The following SHISA2 variants were observed in gnomAD, a reference collection of about 807,000 sequenced individuals.
SHISA2 encodes shisa family member 2, also known as protein shisa-2 homolog.
Under a neutral mutation model 23.8 loss-of-function variants are expected in SHISA2, and 16 were observed. The ratio of observed to expected loss-of-function variants is 0.67; its 90% confidence interval spans 0.46 to 1.02. The LOEUF (loss-of-function observed/expected upper bound fraction) is 1.02. SHISA2 is among the 50% of genes least tolerant of loss of function. SHISA2 has a pLI of 0.00. For synonymous variants in SHISA2, 201 were observed against 178.6 expected (o/e 1.13, Z -1.00); for missense variants, 459 against 420.1 (o/e 1.09, Z -0.81).
rs1171476864 is a variant in SHISA2 at position 26,044,685 on chromosome 13, G to T, written c.*1828C>A. On this transcript the variant is annotated 3_prime_UTR_variant, in exon 2 of 2. Coordinates refer to ENST00000319420, the MANE Select transcript of SHISA2 (RefSeq NM_001007538.2). ...ATGAGTATCATTGATGATACCAATT[G>T]CCAACACTGGTTTTACATTATTCAG... 2 of 152,146 alleles carry T rather than the reference G, an allele frequency of 1.3e-5. No individual in the cohort carries two copies. Among genetic ancestry groups the T allele is most frequent in the African/African-American group, 2.4e-5 (1 of 41,438 alleles). 9.4% of individuals were successfully genotyped at this position (152,146 alleles called of 1,614,324 possible). A position where few individuals can be genotyped will look rare whatever the true frequency, so the allele number is the denominator to read the frequency against.
At chr13:26,050,097 G>C (rs1423197104) in intron 1 of SHISA2, among the ~76,000 whole-genome samples, 2 of 152,224 alleles carry the variant, frequency 1.3e-5, no homozygotes, top group Non-Finnish European at 2.9e-5. Flanking sequence ...GACGTGGTAA[G>C]GAAAACAGTC....
At position 26,047,210 on chromosome 13, in the gene SHISA2, A is replaced by G. The variant is rs1462752819; in HGVS notation, c.335-144T>C. 4.1e-5 allele frequency: 36 copies of G among 888,516 alleles called. 1 individual carries two copies. In the South Asian group the frequency reaches 6.5e-4, roughly 16 times the overall value. 55.0% of individuals were successfully genotyped at this position (888,516 alleles called of 1,614,324 possible). On this transcript the variant is annotated intron_variant, in intron 1 of 1. Transcript: ENST00000319420. ...CACTGGGCTAATTTGTTCACATATT[A>G]GGAGTCCATAAGATGCACCATTCTT...
chr13:26,047,097 G>C (rs1593748209), intron 1 of SHISA2, 31 bp from the exon 2 acceptor site: 1 of 1,512,390 alleles, frequency 6.6e-7, no homozygotes, highest in Non-Finnish European at 8.8e-7. Flanking sequence ...ACAACATTAT[G>C]ATCTACTCTA....
chr13:26,046,930 A>C lies in SHISA2; in HGVS notation c.471T>G (p.Gly157=), dbSNP rs772686844. The part of the protein sequence containing the change: ...QDPQQSRAPG[G]NRLMETIPMI... Reference sequence around the variant, plus strand: ...TGGGGATGGTCTCCATCAAGCGGTTACCCCCTGGGGCTCGGCTCTGCTGGG... The same window carrying C: ...TGGGGATGGTCTCCATCAAGCGGTTCCCCCCTGGGGCTCGGCTCTGCTGGG... The change falls in exon 2 of 2, where the codon GGT becomes GGG. Residue 157 remains glycine, a synonymous_variant. Coordinates refer to ENST00000319420, the MANE Select transcript of SHISA2 (RefSeq NM_001007538.2). 5.0e-6 allele frequency: 8 copies of C among 1,612,942 alleles called. No homozygotes were observed. Among genetic ancestry groups the C allele is most frequent in the Non-Finnish European group, 5.9e-6 (7 of 1,179,588 alleles).
At chr13:26,049,642 A>G (rs1193274280) in intron 1 of SHISA2, among the ~76,000 whole-genome samples, 1 of 152,192 alleles carries the variant, frequency 6.6e-6, no homozygotes, top group African/African-American at 2.4e-5. Flanking sequence ...TGACTGCGAA[A>G]GGGAACGGCA....
At position 26,047,023 on chromosome 13, in the gene SHISA2, G is replaced by T. The variant is rs778644433; in HGVS notation, c.378C>A (p.Val126=). The change falls in exon 2 of 2, where the codon GTC becomes GTA. Residue 126 remains valine (V), a synonymous_variant. Coordinates refer to ENST00000319420, the MANE Select transcript of SHISA2 (RefSeq NM_001007538.2). ...CCAGGGACCCCAAGATGATAAAGGC[G>T]ACAAACACGGAGCCAACAATGAGGA... The part of the protein sequence containing the change: ...VPFLIVGSVF[V]AFIILGSLVA... The T allele has an allele frequency of 6.4e-7, 1 of 1,569,904 alleles. No individual in the cohort carries two copies. Among genetic ancestry groups the T allele is most frequent in the Admixed American group, 1.9e-5 (1 of 52,324 alleles).
At chr13:26,047,711 G>C (rs1957277018) in intron 1 of SHISA2, among the ~76,000 whole-genome samples, 1 of 152,166 alleles carries the variant, frequency 6.6e-6, no homozygotes, top group South Asian at 2.1e-4. Context: ...CAAAAGCCAG[G>C]GTCCTTGGGT....
In SHISA2 at chr13:26,050,712, G is replaced by C; in HGVS notation, c.264C>G (p.Cys88Trp). 6.8e-7 allele frequency: 1 copy of C among 1,479,782 alleles called. No individual in the cohort carries two copies. Among genetic ancestry groups the C allele is most frequent in the Non-Finnish European group, 8.9e-7 (1 of 1,122,436 alleles). The allele number at this position is 1,479,782 out of a possible 1,614,324, so 91.7% of individuals were successfully genotyped here. The change falls in exon 1 of 2, where the codon TGC (cysteine) becomes TGG (tryptophan). Residue 88 changes from cysteine to tryptophan, a missense_variant. By Grantham distance (215) the Cys-to-Trp change is radical. Transcript: ENST00000319420. Reference sequence around the variant, plus strand: ...CAGCGCCCTGCTGGCGGTCATTGTCGCAGCCGCCCTGGTCCAGGCGCGCCT... The same window carrying C: ...CAGCGCCCTGCTGGCGGTCATTGTCCCAGCCGCCCTGGTCCAGGCGCGCCT... ...SAEARLDQGG[C>W]DNDRQQGAGE... is the part of the protein sequence containing the mutation.
In SHISA2 at chr13:26,051,716, C is replaced by T. The variant is rs954118479; in HGVS notation, c.-741G>A. Among the ~76,000 whole-genome samples the T allele has an allele frequency of 1.3e-5, 2 of 152,080 alleles. No homozygotes were observed. Among genetic ancestry groups the T allele is most frequent in the African/African-American group, 4.8e-5 (2 of 41,432 alleles). Reference sequence around the variant, plus strand: ...GGCGAGGGTCCTGCGCGCCCCCAGCCGCAGTCCCGGGAGCCTGCCCAGCTG... The same window carrying T: ...GGCGAGGGTCCTGCGCGCCCCCAGCTGCAGTCCCGGGAGCCTGCCCAGCTG... On this transcript the variant is annotated 5_prime_UTR_variant, in exon 1 of 2. Transcript: ENST00000319420.
At position 26,051,976 on chromosome 13, in the gene SHISA2, C is replaced by A. The variant is rs966629010; in HGVS notation, c.-1001G>T. On this transcript the variant is annotated 5_prime_UTR_variant, in exon 1 of 2. Transcript: ENST00000319420. ...AGCCGAGCGCAGCAGCCGCCCACAG[C>A]CTCGCCTCGCCCCGCCCGGCGCCAG... Among the ~76,000 whole-genome samples the A allele has an allele frequency of 1.3e-4, 3 of 22,288 alleles. No individual in the cohort carries two copies. Among genetic ancestry groups the A allele is most frequent in the African/African-American group, 3.8e-4 (3 of 7,908 alleles). 14.6% of individuals were successfully genotyped at this position (22,288 alleles called of 152,430 possible).
In SHISA2 at chr13:26,046,504, G is replaced by T; in HGVS notation, c.*9C>A. On this transcript the variant is annotated 3_prime_UTR_variant, in exon 2 of 2. Transcript: ENST00000319420. ...CCCTTCAGTAAAGGAACCCACCAGT[G>T]ACTCTCGGTTATACAGTCACCGCTG... The T allele has an allele frequency of 6.4e-7, 1 of 1,573,864 alleles. No individual in the cohort carries two copies. Among genetic ancestry groups the T allele is most frequent in the South Asian group, 1.2e-5 (1 of 85,526 alleles).
rs576301337 is a variant in SHISA2, at chr13:26,045,809, G to A, written c.*704C>T. The A allele has an allele frequency of 2.0e-5, 3 of 151,672 alleles. No individual in the cohort carries two copies. Among genetic ancestry groups the A allele is most frequent in the African/African-American group, 7.2e-5 (3 of 41,448 alleles). 9.4% of individuals were successfully genotyped at this position (151,672 alleles called of 1,614,324 possible). A position where few individuals can be genotyped will look rare whatever the true frequency, so the allele number is the denominator to read the frequency against. On this transcript the variant is annotated 3_prime_UTR_variant, in exon 2 of 2. Transcript: ENST00000319420. ...AAAAAAAAAAAGGCTCAGGCTGGGG[G>A]CGGTGGCTCACGCCTGTAATCCCAG... is the stretch of plus-strand genomic sequence containing the variant.
rs949552247 is a variant in SHISA2, at chr13:26,050,726, C to G, written c.250G>C (p.Asp84His). The stretch of plus-strand genomic sequence containing the variant: ...CGGTCATTGTCGCAGCCGCCCTGGT[C>G]CAGGCGCGCCTCGGCGCTGGAGCAG... ...YCCSSAEARL[D>H]QGGCDNDRQQ... Residue 84 changes from aspartate (D) to histidine (H), a missense_variant, in exon 1 of 2, where the codon GAC becomes CAC. Asp to His is a moderately conservative substitution (Grantham distance 81, BLOSUM62 -1). Transcript: ENST00000319420. The G allele has an allele frequency of 6.7e-7, 1 of 1,495,390 alleles. No individual in the cohort carries two copies. Among genetic ancestry groups the G allele is most frequent in the South Asian group, 1.3e-5 (1 of 79,962 alleles). The allele number at this position is 1,495,390 out of a possible 1,614,324, so 92.6% of individuals were successfully genotyped here. A position where few individuals can be genotyped will look rare whatever the true frequency, so the allele number is the denominator to read the frequency against.
At position 26,046,852 on chromosome 13, in the gene SHISA2, T is replaced by G; in HGVS notation, c.549A>C (p.Thr183=). ...SRGSSSRQSS[T]AASSSSSANS... is the part of the protein sequence containing the mutation. ...TGGCGCTGGAGCTGGAACTGGCAGC[T>G]GTGCTGGACTGGCGTGAGGACGACC... is the stretch of plus-strand genomic sequence containing the variant. The change falls in exon 2 of 2, where the codon ACA becomes ACC. Residue 183 remains threonine, a synonymous_variant. Transcript: ENST00000319420. 1 of 1,614,020 alleles carries G rather than the reference T, an allele frequency of 6.2e-7. No individual in the cohort carries two copies. The highest frequency in any genetic ancestry group is 8.5e-7 in the Non-Finnish European group (1 of 1,179,954).
intron 1 of SHISA2, 82 bp from the exon 2 acceptor site, chr13:26,047,148 G>A (rs563407725): frequency 2.2e-6 from 3 of 1,381,236 alleles, no homozygotes; most frequent in East Asian, 2.5e-5. Flanking sequence ...GGCAATGAAT[G>A]AATGAGCAAC....
At chr13:26,049,205 A>G (rs151194137) in intron 1 of SHISA2, among the ~76,000 whole-genome samples, 45 of 152,352 alleles carry the variant, frequency 3.0e-4, no homozygotes, top group African/African-American at 1.1e-3. Flanking sequence ...TTTTAATTGG[A>G]AATGTAAATA....
chr13:26,050,841 C>A lies in SHISA2; in HGVS notation c.135G>T (p.Gln45His). ...GEYCHGWLDA[Q>H]GVWRIGFQCP... The stretch of plus-strand genomic sequence containing the variant: ...ACTGGAAGCCGATGCGCCAGACGCC[C>A]TGCGCGTCCAGCCAGCCGTGGCAGT... Residue 45 changes from glutamine (Q) to histidine (H), a missense_variant, in exon 1 of 2, where the codon CAG becomes CAT. Physicochemically the swap from Gln to His is conservative, Grantham distance 24 (BLOSUM62 0). Coordinates refer to ENST00000319420, the MANE Select transcript of SHISA2 (RefSeq NM_001007538.2). The A allele has an allele frequency of 1.3e-6, 2 of 1,533,304 alleles. No individual in the cohort carries two copies. Among genetic ancestry groups the A allele is most frequent in the East Asian group, 2.5e-5 (1 of 39,850 alleles). 95.0% of individuals were successfully genotyped at this position (1,533,304 alleles called of 1,614,324 possible).
intron 1 of SHISA2, among the ~76,000 whole-genome samples, chr13:26,047,656 G>A (rs747062950): frequency 1.1e-4 from 17 of 152,186 alleles, no homozygotes; most frequent in Non-Finnish European, 2.5e-4. Context: ...AGGCACAGAA[G>A]GGTCAAGGAG....
At chr13:26,050,524 G>A in intron 1 of SHISA2, 118 bp downstream of exon 1, 5 of 1,065,004 alleles carry the variant, frequency 4.7e-6, no homozygotes, top group African/African-American at 1.7e-5. Context: ...CCAGAAGGCA[G>A]ACTCCGCCTC....
Sources: gnomAD v4.1 joint callset for allele counts (sites outside exome capture counted in the v4.1 genomes callset) on GRCh38, gnomAD v4.1.1 for gene constraint, MANE v1.5 for transcripts, NCBI Gene and HGNC (gene_info 2026-07-23, HGNC 2026-07-21) for gene names.